The following BCL9L variants were observed in gnomAD, a reference collection of about 807,000 sequenced individuals.
BCL9L encodes the protein B-cell CLL/lymphoma 9-like protein.
Under a neutral mutation model 99.4 loss-of-function variants are expected in BCL9L, and 19 were observed. The observed-to-expected ratio is 0.19, with a 90% confidence interval of 0.13 to 0.28. The LOEUF is 0.28. Among genes scored for constraint, BCL9L ranks in the 10% least tolerant of loss-of-function variants. BCL9L has a pLI of 1.00. For synonymous variants in BCL9L, 900 were observed against 854.8 expected, an observed-to-expected ratio of 1.05 and a Z score of -0.92; for missense variants, 2,023 against 2,101.6, an observed-to-expected ratio of 0.96 and a Z score of 0.73.
In BCL9L at chr11:118,911,041, A is replaced by T. The variant is rs948777236; in HGVS notation, c.-76-1026T>A. On this transcript the variant is annotated intron_variant, in intron 2 of 9. Transcript: ENST00000683865. ...GAGCGCCGGACCCATTGAACAGATG[A>T]AAAGACTGAGGCCGGCCACAAGAGA... 5 of 341,074 alleles carry T rather than the reference A, an allele frequency of 1.5e-5. No homozygotes were observed. The East Asian group carries it at 4.2e-4, about 29-fold the overall frequency. The allele number at this position is 341,074 out of a possible 1,614,324, so 21.1% of individuals were successfully genotyped here.
chr11:118,906,562 AG>A (rs1940528694), intron 5 of BCL9L, among the ~76,000 whole-genome samples: 1 of 152,246 alleles, frequency 6.6e-6, no homozygotes, highest in South Asian at 2.1e-4. Flanking sequence ...AATAAAACAG[AG>A]TAGCAAAGTA....
Position 118,898,421 on chromosome 11 carries a change from G to A in BCL9L, c.4494C>T (p.Pro1498=). The A allele has an allele frequency of 1.2e-6, 2 of 1,602,182 alleles. No individual in the cohort carries two copies. The highest frequency in any genetic ancestry group is 1.7e-6 in the Non-Finnish European group (2 of 1,172,276). The part of the protein sequence containing the change: ...LPAPGGMANL[P]F ...CCAGCCCTGGCAGCGACTTCTAGAA[G>A]GGCAGGTTGGCCATGCCGCCTGGTG... The change falls in exon 10 of 10, where the codon CCC becomes CCT. Residue 1498 remains proline (P), a synonymous_variant. Transcript: ENST00000683865.
Position 118,901,227 on chromosome 11 carries a change from G to A in BCL9L, c.2516C>T (p.Ser839Leu). Residue 839 changes from serine (S) to leucine (L), a missense_variant, in exon 8 of 10, where the codon TCA (serine) becomes TTA (leucine). Physicochemically the swap from Ser to Leu is moderately radical, Grantham distance 145. Coordinates refer to ENST00000683865, the MANE Select transcript of BCL9L (RefSeq NM_001378213.1). This position sits in a 1 kb window ranked among gnomAD's most constrained non-coding sequence, Gnocchi z 6.6. ...CTGCTGGCCCTGGTTGGGAAACTGT[G>A]AAGGCATCAGCATCTTCTGCGGGCC... ...MGGPQKMLMP[S>L]QFPNQGQQGF... The A allele has an allele frequency of 6.2e-7, 1 of 1,614,010 alleles. No homozygotes were observed. The highest frequency in any genetic ancestry group is 8.5e-7 in the Non-Finnish European group (1 of 1,179,956).
intron 5 of BCL9L, 68 bp downstream of exon 5, chr11:118,907,415 C>T (rs1422520282): frequency 6.2e-7 from 1 of 1,610,538 alleles, no homozygotes; most frequent in African/African-American, 1.3e-5. Flanking sequence ...TTCCCAGGCT[C>T]AGTCCTCTCA....
In BCL9L at chr11:118,900,196, T is replaced by G. The variant is rs1591976664; in HGVS notation, c.3127A>C (p.Thr1043Pro). 6.3e-7 allele frequency: 1 copy of G among 1,590,454 alleles called. No individual in the cohort carries two copies. The highest frequency in any genetic ancestry group is 8.6e-7 in the Non-Finnish European group (1 of 1,166,214). ...CTCCGGGGGCCGCTAGGCGGGAGGG[T>G]ACCTACAGAAACGGGGAGACAAAGA... ...STTLSNMEQG[T>P]LPPSGPRSSS... Residue 1043 changes from threonine to proline, a missense_variant and splice_region_variant, in exon 9 of 10, where the codon ACC becomes CCC. Thr to Pro is a conservative substitution (Grantham distance 38, BLOSUM62 -1). This residue lies in a region of BCL9L where 902 missense variants were observed against 888.2 expected (regional missense o/e 1.02). Transcript: ENST00000683865. The surrounding 1 kb of genome is among the most constrained non-coding windows in gnomAD (Gnocchi z 5.3).
rs1182507980 is a variant in BCL9L, at chr11:118,922,754, G to C, written c.-131+2484C>G. Among the ~76,000 whole-genome samples the C allele has an allele frequency of 2.0e-5, 3 of 152,116 alleles. No individual in the cohort carries two copies. Among genetic ancestry groups the C allele is most frequent in the African/African-American group, 7.2e-5 (3 of 41,408 alleles). The stretch of plus-strand genomic sequence containing the variant: ...AGGGCTCTGGCACAAGGAAGGAAGG[G>C]ATGCCATTCCCCTGTCACCCCTGGG... On this transcript the variant is annotated intron_variant, in intron 1 of 9. Coordinates refer to ENST00000683865, the MANE Select transcript of BCL9L (RefSeq NM_001378213.1). This position sits in a 1 kb window ranked among gnomAD's most constrained non-coding sequence, Gnocchi z 6.2.
rs752603958 is a variant in BCL9L at position 118,898,845 on chromosome 11, A to T, written c.4070T>A (p.Leu1357Gln). 1.9e-6 allele frequency: 3 copies of T among 1,613,916 alleles called. No homozygotes were observed. The highest frequency in any genetic ancestry group is 1.7e-6 in the Non-Finnish European group (2 of 1,179,994). ...CATGTTCTGCAGGTTCATGAGATGC[A>T]GATTAGGGGGCTGAGCCTTGGGGGG... Reference protein sequence around the residue: ...NQPPKAQPPNLHLMNLQNMMA... With the variant: ...NQPPKAQPPNQHLMNLQNMMA... Residue 1357 changes from leucine (L) to glutamine (Q), a missense_variant, in exon 10 of 10, where the codon CTG (leucine) becomes CAG (glutamine). This residue lies in a region of BCL9L where 902 missense variants were observed against 888.2 expected (regional missense o/e 1.02). Coordinates refer to ENST00000683865, the MANE Select transcript of BCL9L (RefSeq NM_001378213.1).
intron 2 of BCL9L, chr11:118,911,340 G>C: frequency 2.3e-6 from 1 of 443,978 alleles, no homozygotes; most frequent in South Asian, 1.6e-5. Flanking sequence ...GGCTGGGCGG[G>C]GACCTGGGGG....
rs776269411 is a variant in BCL9L at position 118,901,492 on chromosome 11, G to A, written c.2251C>T (p.Pro751Ser). The change falls in exon 8 of 10, where the codon CCT (proline) becomes TCT (serine). Residue 751 changes from proline (P) to serine (S), a missense_variant. Transcript: ENST00000683865. The surrounding 1 kb of genome is among the most constrained non-coding windows in gnomAD (Gnocchi z 6.6). ...CTCAGCCCAGACTGCCCCATGGGAG[G>A]GCTCAGGAGGCCCCGGCCTCCACCA... ...EFGGGRGLLS[P>S]PMGQSGLREV... The A allele has an allele frequency of 1.2e-6, 2 of 1,614,076 alleles. No individual in the cohort carries two copies. Among genetic ancestry groups the A allele is most frequent in the Non-Finnish European group, 1.7e-6 (2 of 1,180,006 alleles).
rs757545161 is a variant in BCL9L at position 118,901,640 on chromosome 11, G to A, written c.2103C>T (p.Gly701=). 2.5e-6 allele frequency: 4 copies of A among 1,613,806 alleles called. No homozygotes were observed. Among genetic ancestry groups the A allele is most frequent in the Non-Finnish European group, 3.4e-6 (4 of 1,180,008 alleles). Reference sequence around the variant, plus strand: ...GCTCCATCTCCATGCTCTGTCCCATGCCACTGCCTGCCATGCCCAGGGGGC... The same window carrying A: ...GCTCCATCTCCATGCTCTGTCCCATACCACTGCCTGCCATGCCCAGGGGGC... ...MQRPLGMAGS[G]MGQSMEMERM... The change falls in exon 8 of 10, where the codon GGC becomes GGT. Residue 701 remains glycine, a synonymous_variant. Transcript: ENST00000683865. The surrounding 1 kb of genome is among the most constrained non-coding windows in gnomAD (Gnocchi z 6.6).
rs533305640 is a variant in BCL9L at position 118,902,430 on chromosome 11, G to T, written c.1313C>A (p.Ala438Glu). Residue 438 changes from alanine (A) to glutamate (E), a missense_variant, in exon 8 of 10, where the codon GCG becomes GAG. Physicochemically the swap from Ala to Glu is moderately radical, Grantham distance 107. Around this residue, in one of 3 missense-constraint regions of BCL9L, gnomAD observed 1,116 missense variants for 1,194.6 expected, o/e 0.93. Transcript: ENST00000683865. This position sits in a 1 kb window ranked among gnomAD's most constrained non-coding sequence, Gnocchi z 7.8. ...TTGTGCTGGTGGGCCCCCCTCACCC[G>T]CTCCTCCTGGGGGCCCCTTGAGGAA... ...EPFLKGPPGGAGEGGPPAQAP... is the reference protein window; with the variant it reads ...EPFLKGPPGGEGEGGPPAQAP... 1 of 1,589,734 alleles carries T rather than the reference G, an allele frequency of 6.3e-7. No homozygotes were observed. The highest frequency in any genetic ancestry group is 2.2e-5 in the East Asian group (1 of 44,628).
rs1186657062 is a variant in BCL9L at position 118,903,459 on chromosome 11, G to A, written c.533-7C>T. 3 of 1,612,920 alleles carry A rather than the reference G, an allele frequency of 1.9e-6. No homozygotes were observed. Among genetic ancestry groups the A allele is most frequent in the Non-Finnish European group, 2.5e-6 (3 of 1,179,556 alleles). On this transcript the variant is annotated splice_region_variant and splice_polypyrimidine_tract_variant and intron_variant, in intron 5 of 9. Transcript: ENST00000683865. The surrounding 1 kb of genome is among the most constrained non-coding windows in gnomAD (Gnocchi z 5.6). The stretch of plus-strand genomic sequence containing the variant: ...GGGTCTGCTACATTACAATCTGCAG[G>A]AGAGAGGACAGGGAAAGGGGCTAAG...
chr11:118,913,026 AG>A (rs1303541706), intron 2 of BCL9L, among the ~76,000 whole-genome samples: 1 of 152,092 alleles, frequency 6.6e-6, no homozygotes, highest in Admixed American at 6.5e-5. Flanking sequence ...CTCAGCGGGC[AG>A]GGAGGTCAAG....
rs1940384279 is a variant in BCL9L at position 118,903,560 on chromosome 11, G to A, written c.533-108C>T. 1 of 1,197,842 alleles carries A rather than the reference G, an allele frequency of 8.3e-7. No individual in the cohort carries two copies. The highest frequency in any genetic ancestry group is 1.2e-6 in the Non-Finnish European group (1 of 828,448). The allele number at this position is 1,197,842 out of a possible 1,614,324, so 74.2% of individuals were successfully genotyped here. ...CAGCCTTACAGCTCGTGCCCACAGG[G>A]ACATTTGATGTCAGTATCTGGTGTT... On this transcript the variant is annotated intron_variant, in intron 5 of 9. Transcript: ENST00000683865. This position sits in a 1 kb window ranked among gnomAD's most constrained non-coding sequence, Gnocchi z 5.6.
In BCL9L at chr11:118,898,530, G is replaced by T. The variant is rs750741129; in HGVS notation, c.4385C>A (p.Pro1462His). Reference sequence around the variant, plus strand: ...CACCATGAGGTTCTGCTGGGGCGGGGGGCCCATGAGGGAGCCCTGCGGGGA... The same window carrying T: ...CACCATGAGGTTCTGCTGGGGCGGGTGGCCCATGAGGGAGCCCTGCGGGGA... ...MLSPQGSLMG[P>H]PPQQNLMVSH... Residue 1462 changes from proline (P) to histidine (H), a missense_variant, in exon 10 of 10, where the codon CCC becomes CAC. Physicochemically the swap from Pro to His is moderately conservative, Grantham distance 77. Around this residue, in one of 3 missense-constraint regions of BCL9L, gnomAD observed 902 missense variants for 888.2 expected, o/e 1.02. Transcript: ENST00000683865. 3 of 1,600,236 alleles carry T rather than the reference G, an allele frequency of 1.9e-6. No individual in the cohort carries two copies. Among genetic ancestry groups the T allele is most frequent in the African/African-American group, 1.3e-5 (1 of 74,846 alleles).
In BCL9L at chr11:118,900,971, C is replaced by T; in HGVS notation, c.2772G>A (p.Met924Ile). The stretch of plus-strand genomic sequence containing the variant: ...TCAAGTGCCCCATGCCCGGTGAGCC[C>T]ATCTGATTAATACTGATGGTGAGGT... Reference protein sequence around the residue: ...PSDLTISINQMGSPGMGHLKS... With the variant: ...PSDLTISINQIGSPGMGHLKS... The change falls in exon 8 of 10, where the codon ATG (methionine) becomes ATA (isoleucine). Residue 924 changes from methionine (M) to isoleucine (I), a missense_variant. Met to Ile is a conservative substitution (Grantham distance 10). This residue lies in a region of BCL9L where 902 missense variants were observed against 888.2 expected (regional missense o/e 1.02). Transcript: ENST00000683865. This position sits in a 1 kb window ranked among gnomAD's most constrained non-coding sequence, Gnocchi z 5.3. 1 of 1,551,860 alleles carries T rather than the reference C, an allele frequency of 6.4e-7. No homozygotes were observed. The highest frequency in any genetic ancestry group is 8.7e-7 in the Non-Finnish European group (1 of 1,147,014).
At chr11:118,916,072 G>T (rs961084187) in intron 2 of BCL9L, among the ~76,000 whole-genome samples, 1 of 152,198 alleles carries the variant, frequency 6.6e-6, no homozygotes, top group South Asian at 2.1e-4. Flanking sequence ...CCTGCCCAAG[G>T]AACAGGCCCC....
Position 118,902,309 on chromosome 11 carries a change from G to C in BCL9L, c.1434C>G (p.Ser478Arg), listed in dbSNP as rs776458103. ...CATGCTCCAGCGGGGGGCCCCCTAGGCTCTGTGTCTGTGAAATCATGGACT... is the reference window on the plus strand; with the variant it reads ...CATGCTCCAGCGGGGGGCCCCCTAGCCTCTGTGTCTGTGAAATCATGGACT... ...PLQSMISQTQ[S>R]LGGPPLEHEV... The change falls in exon 8 of 10, where the codon AGC becomes AGG. Residue 478 changes from serine (S) to arginine (R), a missense_variant. This residue lies in a region of BCL9L where 1,116 missense variants were observed against 1,194.6 expected (regional missense o/e 0.93). Transcript: ENST00000683865. This position sits in a 1 kb window ranked among gnomAD's most constrained non-coding sequence, Gnocchi z 7.8. 2.4e-5 allele frequency: 38 copies of C among 1,563,462 alleles called. No homozygotes were observed. Among genetic ancestry groups the C allele is most frequent in the Non-Finnish European group, 3.3e-5 (38 of 1,154,808 alleles).
At chr11:118,905,543 C>T (rs1418278756) in intron 5 of BCL9L, among the ~76,000 whole-genome samples, 2 of 142,904 alleles carry the variant, frequency 1.4e-5, no homozygotes, top group Non-Finnish European at 3.0e-5. Context: ...AGAATCAGGC[C>T]GGGTGGCTCA....
Sources: gnomAD v4.1 joint callset for allele counts (sites outside exome capture counted in the v4.1 genomes callset) on GRCh38, gnomAD v4.1.1 for gene constraint, gnomAD v4.1.1 regional missense constraint, Gnocchi (gnomAD v3.1) non-coding constraint, MANE v1.5 for transcripts, NCBI Gene and HGNC (gene_info 2026-07-23, HGNC 2026-07-21) for gene names.